The following SLC39A8 variants were observed in gnomAD, a reference collection of about 807,000 sequenced individuals.
SLC39A8 encodes solute carrier family 39 member 8.
Under a neutral mutation model 40.4 loss-of-function variants are expected in SLC39A8, and 15 were observed. The ratio of observed to expected loss-of-function variants is 0.37; its 90% CI spans 0.25 to 0.57. The LOEUF is 0.57. SLC39A8 is among the 20% of genes least tolerant of loss of function. The pLI is 0.75. For synonymous variants in SLC39A8, 223 were observed against 221.6 expected (o/e 1.01, Z -0.06); for missense variants, 472 against 558.8 (o/e 0.84, Z 1.57).
chr4:102,274,911 T>C (rs1300781741), intron 6 of SLC39A8, among the ~76,000 whole-genome samples: 1 of 152,178 alleles, frequency 6.6e-6, no homozygotes, highest in Non-Finnish European at 1.5e-5. Flanking sequence ...CTGAGGGATT[T>C]TGTCACCACC....
intron 6 of SLC39A8, among the ~76,000 whole-genome samples, chr4:102,300,305 C>T (rs1358484935): frequency 6.6e-6 from 1 of 151,932 alleles, no homozygotes; most frequent in Non-Finnish European, 1.5e-5. Flanking sequence ...AAATATGCTT[C>T]CATGAAAACA....
chr4:102,282,085 G>A (rs1333382727), intron 6 of SLC39A8, among the ~76,000 whole-genome samples: 1 of 152,120 alleles, frequency 6.6e-6, no homozygotes, highest in Non-Finnish European at 1.5e-5. Flanking sequence ...GTATAGAAAG[G>A]TTAGGTAAAT....
intron 6 of SLC39A8, among the ~76,000 whole-genome samples, chr4:102,278,973 C>T (rs1217575524): frequency 1.3e-5 from 2 of 151,202 alleles, no homozygotes; most frequent in Non-Finnish European, 2.9e-5. Flanking sequence ...GGGAGGGAAA[C>T]ATCACACACT....
chr4:102,266,406 G>A (rs1732098067), intron 8 of SLC39A8, among the ~76,000 whole-genome samples: 1 of 152,078 alleles, frequency 6.6e-6, no homozygotes, highest in Non-Finnish European at 1.5e-5. Flanking sequence ...AGAGAACAAC[G>A]AACAGAGCTA....
chr4:102,256,289 T>C (rs1045966246), intron 11 of SLC39A8, among the ~76,000 whole-genome samples: 1 of 152,190 alleles, frequency 6.6e-6, no homozygotes, highest in African/African-American at 2.4e-5. Flanking sequence ...ATGCTTTAAG[T>C]GAGGGAATGT....
chr4:102,289,971 G>T (rs1394420104), intron 6 of SLC39A8, among the ~76,000 whole-genome samples: 1 of 152,188 alleles, frequency 6.6e-6, no homozygotes, highest in Non-Finnish European at 1.5e-5. Flanking sequence ...AATGTGGAAA[G>T]AAGTTCTACT....
intron 2 of SLC39A8, among the ~76,000 whole-genome samples, chr4:102,317,380 T>G (rs1393697817): frequency 1.3e-5 from 2 of 152,086 alleles, no homozygotes; most frequent in Non-Finnish European, 2.9e-5. Context: ...CTAAAATTGT[T>G]CCTTATTCAA....
intron 2 of SLC39A8, among the ~76,000 whole-genome samples, chr4:102,335,407 G>A (rs548369781): frequency 6.6e-6 from 1 of 152,184 alleles, no homozygotes; most frequent in Non-Finnish European, 1.5e-5. Flanking sequence ...CTAAAATAAT[G>A]CTCATTCTCT....
chr4:102,267,581 G>C lies in SLC39A8; in HGVS notation c.1142C>G (p.Ala381Gly), dbSNP rs1732156906. The change falls in exon 8 of 9, where the codon GCT (alanine) becomes GGT (glycine). Residue 381 changes from alanine to glycine, a missense_variant. Physicochemically the swap from Ala to Gly is moderately conservative, Grantham distance 60 (BLOSUM62 0). This residue lies in a region of SLC39A8 where 239 missense variants were observed against 317.9 expected (regional missense o/e 0.75). Transcript: ENST00000356736. Reference protein sequence around the residue: ...LSACSCYVGLAFGILVGNNFA... With the variant: ...LSACSCYVGLGFGILVGNNFA... ...ATTGTTGCCCACCAAAATGCCAAAAGCTAGCCCAACATAGCAGGAACATGC... is the reference window on the plus strand; with the variant it reads ...ATTGTTGCCCACCAAAATGCCAAAACCTAGCCCAACATAGCAGGAACATGC... The C allele has an allele frequency of 6.2e-7, 1 of 1,614,010 alleles. No homozygotes were observed. Among genetic ancestry groups the C allele is most frequent in the Non-Finnish European group, 8.5e-7 (1 of 1,179,980 alleles).
chr4:102,257,359 T>G (rs573560088), downstream of SLC39A8, among the ~76,000 whole-genome samples: 1 of 152,186 alleles, frequency 6.6e-6, no homozygotes, highest in Non-Finnish European at 1.5e-5. Flanking sequence ...TTTCTAGTAA[T>G]TTCTTTGAAT....
intron 2 of SLC39A8, among the ~76,000 whole-genome samples, chr4:102,330,637 C>T (rs1355039901): frequency 2.0e-5 from 3 of 152,134 alleles, no homozygotes; most frequent in African/African-American, 4.8e-5. Flanking sequence ...CTATCCCAAA[C>T]AGTAGAAAAA....
intron 6 of SLC39A8, among the ~76,000 whole-genome samples, chr4:102,273,737 T>C (rs1732480446): frequency 6.6e-6 from 1 of 152,120 alleles, no homozygotes; most frequent in Non-Finnish European, 1.5e-5. Flanking sequence ...GGGACGAAGC[T>C]TCCAGAGGAA....
chr4:102,261,587 TTA>T (rs1366494789), downstream of SLC39A8: 6 of 597,216 alleles, frequency 1.0e-5, no homozygotes, highest in Non-Finnish European at 1.3e-5. Flanking sequence ...GATTTCCTAT[TTA>T]TATCTCTCCC....
chr4:102,266,912 G>A (rs1043521501), intron 8 of SLC39A8, among the ~76,000 whole-genome samples: 1 of 152,004 alleles, frequency 6.6e-6, no homozygotes, highest in Non-Finnish European at 1.5e-5. Context: ...GGCCATGCAC[G>A]CTCTTTTGAG....
At chr4:102,325,456 C>T (rs1321643613) in intron 2 of SLC39A8, among the ~76,000 whole-genome samples, 1 of 152,102 alleles carries the variant, frequency 6.6e-6, no homozygotes, top group Admixed American at 6.6e-5. Flanking sequence ...CACACACTTA[C>T]GTTCACTCTC....
chr4:102,303,330 C>T (rs943683918), intron 6 of SLC39A8, among the ~76,000 whole-genome samples: 20 of 151,922 alleles, frequency 1.3e-4, no homozygotes, highest in Non-Finnish European at 1.5e-4. Flanking sequence ...CATCCACATT[C>T]CCTTGATACC....
intron 6 of SLC39A8, among the ~76,000 whole-genome samples, chr4:102,298,828 C>G (rs531368218): frequency 6.6e-6 from 1 of 152,088 alleles, no homozygotes; most frequent in South Asian, 2.1e-4. Flanking sequence ...GATGCAGGAC[C>G]CAGAACCTCA....
intron 6 of SLC39A8, among the ~76,000 whole-genome samples, chr4:102,295,342 G>T (rs1403521051): frequency 1.3e-5 from 2 of 151,774 alleles, no homozygotes; most frequent in Non-Finnish European, 2.9e-5. Flanking sequence ...CAAAAATGCT[G>T]ACTATTTAAA....
At position 102,345,323 on chromosome 4, in the gene SLC39A8, G is replaced by A. The variant is rs79747645; in HGVS notation, c.-254+22C>T. 2,028 of 152,690 alleles carry A rather than the reference G, an allele frequency of 0.013. 29 individuals carry two copies. The highest frequency in any genetic ancestry group is 0.02 in the Non-Finnish European group (1,379 of 68,250). The allele number at this position is 152,690 out of a possible 1,614,324, so 9.5% of individuals were successfully genotyped here. A position where few individuals can be genotyped will look rare whatever the true frequency, so the allele number is the denominator to read the frequency against. On this transcript the variant is annotated intron_variant, in intron 1 of 8. Transcript: ENST00000356736. ...TTCTCTGAGCTTGGCAAGTTAATCG[G>A]AAGCACTCGCTGGCCTCTCACCTCT... is the stretch of plus-strand genomic sequence containing the variant.
Sources: gnomAD v4.1 joint callset for allele counts (sites outside exome capture counted in the v4.1 genomes callset) on GRCh38, gnomAD v4.1.1 for gene constraint, gnomAD v4.1.1 regional missense constraint, MANE v1.5 for transcripts, NCBI Gene and HGNC (gene_info 2026-07-23, HGNC 2026-07-21) for gene names.